NT5DC1: variants seen among roughly 807,000 people sequenced by gnomAD.
NT5DC1 encodes the protein 5'-nucleotidase domain containing 1.
NT5DC1 carries 42 observed loss-of-function variants against 59.4 expected under a neutral mutation model. That is an observed-to-expected ratio of 0.71 (90% confidence interval 0.55 to 0.92). The LOEUF is 0.92. Ranked by LOEUF, NT5DC1 falls within the 40% of genes least tolerant of loss-of-function variation. NT5DC1 has a pLI of 0.00. For missense variants in NT5DC1, 501 were observed against 537.1 expected (o/e 0.93, Z 0.66); for synonymous variants, 172 against 188.1 (o/e 0.91, Z 0.70).
At chr6:116,162,773 A>G (rs908104287) in intron 6 of NT5DC1, among the ~76,000 whole-genome samples, 1 of 152,152 alleles carries the variant, frequency 6.6e-6, no homozygotes, top group Non-Finnish European at 1.5e-5. Flanking sequence ...TGTTATTAGC[A>G]TGATACTAGT....
At chr6:116,116,137 T>C (rs1778958689) in intron 5 of NT5DC1, among the ~76,000 whole-genome samples, 1 of 152,174 alleles carries the variant, frequency 6.6e-6, no homozygotes. Context: ...TCTTTAAGCA[T>C]TCTAAATAAT....
intron 6 of NT5DC1, among the ~76,000 whole-genome samples, chr6:116,128,505 A>G (rs1214764079): frequency 6.6e-6 from 1 of 152,198 alleles, no homozygotes; most frequent in East Asian, 1.9e-4. Flanking sequence ...AATATCAAAT[A>G]TGAATAATGA....
In NT5DC1 at chr6:116,240,594, C is replaced by A. The variant is rs371527693; in HGVS notation, c.1252+1471C>A. Reference sequence around the variant, plus strand: ...AGAAAATGATGGGGAAAAAAATAAGCCAAAGGTTTAAGAAGCCCAAAGAAA... The same window carrying A: ...AGAAAATGATGGGGAAAAAAATAAGACAAAGGTTTAAGAAGCCCAAAGAAA... On this transcript the variant is annotated intron_variant, in intron 11 of 11. Transcript: ENST00000319550. 5.9e-5 allele frequency among the ~76,000 whole-genome samples: 9 copies of A among 151,464 alleles called. No homozygotes were observed. The East Asian group carries it at 1.6e-3, about 26-fold the overall frequency.
intron 6 of NT5DC1, chr6:116,121,969 A>G (rs758739243): frequency 1.9e-6 from 3 of 1,604,892 alleles, no homozygotes; most frequent in South Asian, 2.2e-5. Context: ...TACCTAAAAG[A>G]CACACCCAAC....
intron 6 of NT5DC1, among the ~76,000 whole-genome samples, chr6:116,131,357 T>A (rs1779459083): frequency 6.6e-6 from 1 of 152,250 alleles, no homozygotes. Flanking sequence ...GTAACTATTT[T>A]TAAAACATTG....
chr6:116,163,687 A>G (rs750703681), intron 6 of NT5DC1, among the ~76,000 whole-genome samples: 6 of 151,844 alleles, frequency 4.0e-5, no homozygotes, highest in African/African-American at 7.3e-5. Context: ...TTGTTTTTCT[A>G]GTTTGTTAGG....
At chr6:116,212,428 A>G (rs1582876123) in intron 6 of NT5DC1, among the ~76,000 whole-genome samples, 2 of 152,268 alleles carry the variant, frequency 1.3e-5, no homozygotes, top group South Asian at 2.1e-4. Context: ...CTGTCTGGAC[A>G]TTGAACAAGT....
At chr6:116,101,774 C>T (rs1260503474) in intron 1 of NT5DC1, among the ~76,000 whole-genome samples, 1 of 152,172 alleles carries the variant, frequency 6.6e-6, no homozygotes, top group Non-Finnish European at 1.5e-5. Flanking sequence ...GCCCTCCCTC[C>T]ACTATTCCTT....
At position 116,247,638 on chromosome 6, in the gene NT5DC1, C is replaced by G. The variant is rs1306531697; in HGVS notation, c.*3614C>G. 1.3e-5 allele frequency: 2 copies of G among 152,126 alleles called. No individual in the cohort carries two copies. The highest frequency in any genetic ancestry group is 4.8e-5 in the African/African-American group (2 of 41,416). The allele number at this position is 152,126 out of a possible 1,614,324, so 9.4% of individuals were successfully genotyped here. On this transcript the variant is annotated 3_prime_UTR_variant, in exon 12 of 12. Coordinates refer to ENST00000319550, the MANE Select transcript of NT5DC1 (RefSeq NM_152729.3). ...CAGTTTGTTGTACCATGTACCTGTT[C>G]ACAGACTCTTTTCAAAAAACAAGTT...
chr6:116,217,242 A>G (rs1781703581), intron 6 of NT5DC1, among the ~76,000 whole-genome samples: 2 of 152,304 alleles, frequency 1.3e-5, no homozygotes, highest in South Asian at 4.1e-4. Context: ...TGATGTGCAT[A>G]TCAGACTGTT....
chr6:116,157,132 C>T lies in NT5DC1; in HGVS notation c.529+39187C>T, dbSNP rs146466162. ...TATTTGGGTATGAGAATATGGAAAA[C>T]AAAGCAAAACTAACCTTTGGTAATA... On this transcript the variant is annotated intron_variant, in intron 6 of 11. Transcript: ENST00000319550. Among the ~76,000 whole-genome samples, 1,370 of 152,240 alleles carry T rather than the reference C, an allele frequency of 9.0e-3. 11 individuals are homozygous for T. Among genetic ancestry groups the T allele is most frequent in the Non-Finnish European group, 0.012 (845 of 67,998 alleles).
At chr6:116,229,693 C>T (rs1465828201) in intron 8 of NT5DC1, among the ~76,000 whole-genome samples, 2 of 152,138 alleles carry the variant, frequency 1.3e-5, no homozygotes, top group East Asian at 3.8e-4. Flanking sequence ...GGAGAGGGAA[C>T]GTGTCAGCCT....
At chr6:116,106,102 A>G (rs941804462) in intron 1 of NT5DC1, 142 bp from the exon 2 acceptor site, 1 of 676,262 alleles carries the variant, frequency 1.5e-6, no homozygotes, top group African/African-American at 1.8e-5. Context: ...AAGGAGAATT[A>G]TACTGCAGAA....
intron 6 of NT5DC1, among the ~76,000 whole-genome samples, chr6:116,164,483 A>G (rs1341140500): frequency 6.6e-6 from 1 of 152,094 alleles, no homozygotes; most frequent in Non-Finnish European, 1.5e-5. Flanking sequence ...ATGTCTTTAT[A>G]CATTATGTGG....
chr6:116,179,203 T>C (rs1780819490), intron 6 of NT5DC1, among the ~76,000 whole-genome samples: 1 of 152,170 alleles, frequency 6.6e-6, no homozygotes, highest in Non-Finnish European at 1.5e-5. Context: ...AAATAACATA[T>C]AGTAGATATT....
intron 6 of NT5DC1, among the ~76,000 whole-genome samples, chr6:116,144,192 T>C (rs549392056): frequency 6.6e-6 from 1 of 152,238 alleles, no homozygotes; most frequent in African/African-American, 2.4e-5. Context: ...AACAAACATA[T>C]TCTTCTTACA....
chr6:116,224,379 G>T (rs562081850), intron 8 of NT5DC1, among the ~76,000 whole-genome samples: 2 of 152,240 alleles, frequency 1.3e-5, no homozygotes, highest in Admixed American at 6.5e-5. Context: ...CATTTTCTGT[G>T]CACCAGACAG....
chr6:116,120,867 G>A, intron 6 of NT5DC1: 1 of 1,613,824 alleles, frequency 6.2e-7, no homozygotes, highest in South Asian at 1.1e-5. Context: ...AGACCAGGAG[G>A]TCCTCCAACT....
chr6:116,212,335 T>C (rs917525607), intron 6 of NT5DC1, among the ~76,000 whole-genome samples: 2 of 152,106 alleles, frequency 1.3e-5, no homozygotes, highest in African/African-American at 4.8e-5. Context: ...TTAAAATAGC[T>C]GCTTAACTAC....
Sources: allele counts gnomAD v4.1 joint callset (sites outside exome capture counted in the v4.1 genomes callset), GRCh38; gene constraint gnomAD v4.1.1; transcripts MANE v1.5; gene names NCBI Gene and HGNC (gene_info 2026-07-23, HGNC 2026-07-21).